INSL6: variants seen among roughly 807,000 people sequenced by gnomAD.
INSL6 encodes the protein insulin-like peptide INSL6.
Under a neutral mutation model 9.4 loss-of-function variants are expected in INSL6, and 16 were observed. The observed-to-expected ratio is 1.70, with a 90% CI of 1.15 to 2.59. The LOEUF (loss-of-function observed/expected upper bound fraction) is 2.59, where lower values mean the gene tolerates loss of function less well. INSL6 is among the 30% of genes most tolerant of loss of function. The pLI is 0.00. For missense variants in INSL6, 391 were observed against 257.3 expected (o/e 1.52, Z -3.56); for synonymous variants, 154 against 96.9 (o/e 1.59, Z -3.46).
chr9:5,103,221 CAAAAAAAAAAAAAAAA>C, the INSL6 span, among the ~76,000 whole-genome samples: 19 of 6,870 alleles, frequency 2.8e-3, no homozygotes, highest in Non-Finnish European at 3.2e-3. Context: ...AAAGGGAAAG[CAAAAAAAAAAAAAAAA>C]AAAAAAAAAA....
chr9:5,098,829 G>A, the INSL6 span: 2 of 147,512 alleles, frequency 1.4e-5, no homozygotes, highest in East Asian at 3.9e-4. Context: ...GAGTAGCTGG[G>A]ACTACAGGCG....
At chr9:5,114,925 T>G in the INSL6 span, 1 of 181,054 alleles carries the variant, frequency 5.5e-6, no homozygotes, top group Non-Finnish European at 1.1e-5. Context: ...AAACAGTGCC[T>G]GCTCAGAAAA....
the INSL6 span, among the ~76,000 whole-genome samples, chr9:5,008,632 CAG>C: frequency 2.0e-5 from 3 of 152,162 alleles, no homozygotes; most frequent in African/African-American, 7.2e-5. Flanking sequence ...TCTGAGTAGA[CAG>C]AGATAAACTG....
chr9:5,134,099 T>C (rs561821934), intron 2 of INSL6, among the ~76,000 whole-genome samples: 9 of 152,082 alleles, frequency 5.9e-5, no homozygotes, highest in East Asian at 3.9e-4. Context: ...ATACCAGAGA[T>C]TGCAGATCAA....
chr9:5,003,994 G>A, the INSL6 span, among the ~76,000 whole-genome samples: 1 of 151,902 alleles, frequency 6.6e-6, no homozygotes. Flanking sequence ...AAAATATATT[G>A]ACTATTTAAA....
the INSL6 span, chr9:5,098,196 C>A: frequency 2.0e-5 from 3 of 152,090 alleles, no homozygotes; most frequent in African/African-American, 7.2e-5. Flanking sequence ...TACATTAAAC[C>A]CTTAAATGAA....
the INSL6 span, among the ~76,000 whole-genome samples, chr9:5,036,343 A>G: frequency 6.6e-6 from 1 of 152,186 alleles, no homozygotes; most frequent in Non-Finnish European, 1.5e-5. Flanking sequence ...ATCAAGCTAC[A>G]GATGACTTTC....
intron 1 of INSL6, among the ~76,000 whole-genome samples, chr9:5,179,279 A>G (rs996182733): frequency 6.6e-6 from 1 of 152,224 alleles, no homozygotes; most frequent in African/African-American, 2.4e-5. Context: ...ACTGATCATT[A>G]GAGAAATGCA....
At chr9:5,180,246 C>A (rs1317722339) in intron 1 of INSL6, among the ~76,000 whole-genome samples, 1 of 152,074 alleles carries the variant, frequency 6.6e-6, no homozygotes, top group Non-Finnish European at 1.5e-5. Flanking sequence ...ACCTCAGGAC[C>A]ACTGTGATAA....
chr9:5,055,825 T>C, the INSL6 span: 1 of 1,563,912 alleles, frequency 6.4e-7, no homozygotes, highest in Non-Finnish European at 8.8e-7. Flanking sequence ...GGTTTCATTT[T>C]ATAGTTCTCA....
At chr9:5,069,448 G>C in the INSL6 span, among the ~76,000 whole-genome samples, 1 of 152,054 alleles carries the variant, frequency 6.6e-6, no homozygotes, top group Non-Finnish European at 1.5e-5. Flanking sequence ...TGTGTGGTAT[G>C]ATGTCATTTA....
the INSL6 span, chr9:5,110,353 A>G: frequency 1.3e-5 from 2 of 152,212 alleles, no homozygotes; most frequent in African/African-American, 4.8e-5. Context: ...ACACAAAATG[A>G]TATTTAAAAA....
At chr9:5,089,858 G>C in the INSL6 span, 1 of 1,491,046 alleles carries the variant, frequency 6.7e-7, no homozygotes, top group Non-Finnish European at 8.9e-7. Context: ...GTGTGCTACA[G>C]TGCTGGTAAG....
chr9:5,185,263 A>C, intron 1 of INSL6, 51 bp downstream of exon 1: 1 of 1,610,712 alleles, frequency 6.2e-7, no homozygotes. Flanking sequence ...CAAATGCAGG[A>C]ATAAGAAATA....
chr9:5,070,102 AT>A, the INSL6 span: 3 of 1,343,352 alleles, frequency 2.2e-6, no homozygotes, highest in Non-Finnish European at 3.1e-6. Context: ...TTAAAACAAC[AT>A]CTGTTTTCTT....
the INSL6 span, chr9:5,085,317 A>G: frequency 5.3e-6 from 4 of 761,212 alleles, no homozygotes; most frequent in Admixed American, 5.2e-5. Flanking sequence ...CGAATACATC[A>G]TCTATTAGCT....
chr9:5,043,746 A>G, the INSL6 span, among the ~76,000 whole-genome samples: 1 of 152,268 alleles, frequency 6.6e-6, no homozygotes, highest in Non-Finnish European at 1.5e-5. Flanking sequence ...TATTCATACA[A>G]TGAAATATTA....
At chr9:5,046,631 G>C in the INSL6 span, among the ~76,000 whole-genome samples, 4 of 152,102 alleles carry the variant, frequency 2.6e-5, no homozygotes, top group Admixed American at 1.3e-4. Flanking sequence ...AGTTTTCCTA[G>C]CACCATTTGT....
chr9:5,006,456 T>C, the INSL6 span, among the ~76,000 whole-genome samples: 1 of 152,178 alleles, frequency 6.6e-6, no homozygotes, highest in Admixed American at 6.5e-5. Context: ...ACTGTATTTG[T>C]TTGTTCTCAT....
Sources: allele counts gnomAD v4.1 joint callset (sites outside exome capture counted in the v4.1 genomes callset), GRCh38; gene constraint gnomAD v4.1.1; transcripts MANE v1.5; gene names NCBI Gene and HGNC (gene_info 2026-07-23, HGNC 2026-07-21).